Variants in COL1A2 observed in about 807,000 individuals in gnomAD.
COL1A2 encodes collagen type I alpha 2 chain.
In COL1A2, 49 loss-of-function variants were observed where a neutral mutation model predicts 174.3. The observed-to-expected ratio is 0.28, with a 90% CI of 0.22 to 0.36. The LOEUF (loss-of-function observed/expected upper bound fraction) is 0.36, where lower values mean the gene tolerates loss of function less well. COL1A2 is among the 10% of genes least tolerant of loss of function. The pLI, the probability that COL1A2 is intolerant of heterozygous loss-of-function variation, is 1.00. For synonymous variants in COL1A2, 655 were observed against 606.6 expected (o/e 1.08, Z -1.17); for missense variants, 1,438 against 1,822.7 (o/e 0.79, Z 3.84).
rs371996944 is a variant in COL1A2, at chr7:94,404,548, C to T, written c.280-8C>T. On this transcript the variant is annotated splice_polypyrimidine_tract_variant and splice_region_variant and intron_variant, in intron 6 of 51. Coordinates refer to ENST00000297268, the MANE Select transcript of COL1A2 (RefSeq NM_000089.4). ...TGCTAACTGTTGATATATCTGCTTT[C>T]TTTACAGGGCTTAATGGGACCTAGA... 28 of 1,612,778 alleles carry T rather than the reference C, an allele frequency of 1.7e-5. No homozygotes were observed. The highest frequency in any genetic ancestry group is 2.4e-5 in the Non-Finnish European group (28 of 1,179,952).
rs67707918 is a variant in COL1A2, at chr7:94,410,501, G to A, written c.1171G>A (p.Gly391Ser). ...CCCTAATGGGGAAGCTGGATCTGCCGGCCCTCCAGGACCTCCTGGGCTGAG... is the reference window on the plus strand; with the variant it reads ...CCCTAATGGGGAAGCTGGATCTGCCAGCCCTCCAGGACCTCCTGGGCTGAG... ...RGPNGEAGSA[G>S]PPGPPGLRGS... The change falls in exon 21 of 52, where the codon GGC becomes AGC. Residue 391 changes from glycine (G) to serine (S), a missense_variant. This residue lies in a region of COL1A2 where 867 missense variants were observed against 1,213.7 expected (regional missense o/e 0.71). Coordinates refer to ENST00000297268, the MANE Select transcript of COL1A2 (RefSeq NM_000089.4). 1 of 1,549,790 alleles carries A rather than the reference G, an allele frequency of 6.5e-7. No individual in the cohort carries two copies. Among genetic ancestry groups the A allele is most frequent in the Non-Finnish European group, 8.7e-7 (1 of 1,146,936 alleles).
At chr7:94,413,795 C>T (rs1465164572) in intron 27 of COL1A2, 52 bp downstream of exon 27, 5 of 1,609,626 alleles carry the variant, frequency 3.1e-6, no homozygotes, top group East Asian at 4.5e-5. Context: ...GTATATAGTC[C>T]TCAAACTGGC....
At chr7:94,421,599 G>A (rs1294631864) in intron 38 of COL1A2, among the ~76,000 whole-genome samples, 1 of 152,174 alleles carries the variant, frequency 6.6e-6, no homozygotes, top group Non-Finnish European at 1.5e-5. Flanking sequence ...ATGACATAGT[G>A]TCTTATCTTC....
At chr7:94,415,794 C>T (rs1792028452) in intron 30 of COL1A2, among the ~76,000 whole-genome samples, 1 of 152,100 alleles carries the variant, frequency 6.6e-6, no homozygotes, top group African/African-American at 2.4e-5. Context: ...TAACAAGGTC[C>T]TTTGAAACAG....
Position 94,426,529 on chromosome 7 carries a change from C to T in COL1A2, c.3104C>T (p.Ala1035Val). Residue 1035 changes from alanine to valine, a missense_variant and splice_region_variant, in exon 46 of 52, where the codon GCT becomes GTT. This residue lies in a region of COL1A2 where 867 missense variants were observed against 1,213.7 expected (regional missense o/e 0.71). Transcript: ENST00000297268. ...GGATTGCAAGGTCTGCCTGGTATCG[C>T]TGTAAGTAAACTGTAGCCATCTCGC... ...HNGLQGLPGI[A>V]GHHGDQGAPG... The T allele has an allele frequency of 1.3e-6, 2 of 1,595,884 alleles. No individual in the cohort carries two copies. Among genetic ancestry groups the T allele is most frequent in the Non-Finnish European group, 1.7e-6 (2 of 1,170,884 alleles).
In COL1A2 at chr7:94,395,016, T is replaced by A. The variant is rs1440194872; in HGVS notation, c.-16T>A. 2.5e-6 allele frequency: 4 copies of A among 1,612,866 alleles called. No homozygotes were observed. Among genetic ancestry groups the A allele is most frequent in the Non-Finnish European group, 3.4e-6 (4 of 1,179,638 alleles). On this transcript the variant is annotated 5_prime_UTR_variant, in exon 1 of 52. The change abolishes an upstream ATG in the 5' untranslated region. Transcript: ENST00000297268. ...GGCTCTGCGACACAAGGAGTCTGCA[T>A]GTCTAAGTGCTAGACATGCTCAGCT... is the stretch of plus-strand genomic sequence containing the variant.
Position 94,406,123 on chromosome 7 carries a change from G to T in COL1A2, c.541-127G>T, listed in dbSNP as rs574658107. The T allele has an allele frequency of 3.5e-4, 326 of 942,496 alleles. 1 individual carries two copies. Among genetic ancestry groups the T allele is most frequent in the Middle Eastern group, 2.1e-3 (10 of 4,756 alleles). The allele number at this position is 942,496 out of a possible 1,614,324, so 58.4% of individuals were successfully genotyped here. A position where few individuals can be genotyped will look rare whatever the true frequency, so the allele number is the denominator to read the frequency against. ...TGAGTTTGCTGGGACCTGGAACACT[G>T]GACTTCTTTCTACTGCAGCAGACAA... On this transcript the variant is annotated intron_variant, in intron 11 of 51. Transcript: ENST00000297268.
chr7:94,406,394 T>C, intron 12 of COL1A2, 91 bp downstream of exon 12: 1 of 1,143,746 alleles, frequency 8.7e-7, no homozygotes, highest in East Asian at 2.4e-5. Context: ...AGACTACCCA[T>C]ATTACAAAAA....
intron 44 of COL1A2, 26 bp from the exon 45 acceptor site, chr7:94,425,972 T>A (rs1473844841): frequency 6.2e-7 from 1 of 1,613,648 alleles, no homozygotes; most frequent in Admixed American, 1.7e-5. Context: ...CCTAGCTAAG[T>A]TGTGTTTTTC....
At chr7:94,416,739 GTA>G in intron 31 of COL1A2, 1 of 544,148 alleles carries the variant, frequency 1.8e-6, no homozygotes, top group South Asian at 2.3e-5. Flanking sequence ...AAATGAATTA[GTA>G]TGGGTTGTCA....
At chr7:94,413,360 T>A (rs950503706) in intron 26 of COL1A2, among the ~76,000 whole-genome samples, 2 of 152,226 alleles carry the variant, frequency 1.3e-5, no homozygotes, top group African/African-American at 4.8e-5. Flanking sequence ...AGCACTTGGC[T>A]TTTATTTTAT....
At chr7:94,405,810 A>G in intron 11 of COL1A2, 84 bp downstream of exon 11, 2 of 1,064,830 alleles carry the variant, frequency 1.9e-6, no homozygotes, top group Non-Finnish European at 2.9e-6. Flanking sequence ...CTTGGGTGAC[A>G]TATACTCACT....
chr7:94,412,604 C>G lies in COL1A2; in HGVS notation c.1425C>G (p.Gly475=). 1 of 1,613,950 alleles carries G rather than the reference C, an allele frequency of 6.2e-7. No homozygotes were observed. Among genetic ancestry groups the G allele is most frequent in the Non-Finnish European group, 8.5e-7 (1 of 1,179,910 alleles). The change falls in exon 25 of 52, where the codon GGC becomes GGG. Residue 475 remains glycine (G), a synonymous_variant. Transcript: ENST00000297268. ...EGPVGLPGID[G]RPGPIGPAGA... ...TTCAGGGCCTCCCTGGCATCGACGG[C>G]AGGCCTGGCCCAATTGGCCCAGCTG...
chr7:94,410,529 T>C lies in COL1A2; in HGVS notation c.1197+2T>C. 2 of 1,548,052 alleles carry C rather than the reference T, an allele frequency of 1.3e-6. No homozygotes were observed. The highest frequency in any genetic ancestry group is 1.7e-6 in the Non-Finnish European group (2 of 1,145,810). On this transcript the variant is annotated splice_donor_variant, in intron 21 of 51. Transcript: ENST00000297268. LOFTEE classifies it high-confidence loss of function. ...CCTCCAGGACCTCCTGGGCTGAGAGTAGGTTTCAAATGCTCCCAACACCCT... is the reference window on the plus strand; with the variant it reads ...CCTCCAGGACCTCCTGGGCTGAGAGCAGGTTTCAAATGCTCCCAACACCCT...
At chr7:94,419,628 A>T (rs2115928478) in intron 34 of COL1A2, 77 bp downstream of exon 34, 2 of 1,488,614 alleles carry the variant, frequency 1.3e-6, no homozygotes, top group East Asian at 4.5e-5. Flanking sequence ...AGCCCCAGCA[A>T]TTCATTTTTA....
At position 94,413,191 on chromosome 7, in the gene COL1A2, A is replaced by G; in HGVS notation, c.1557+55A>G. 3.3e-6 allele frequency: 5 copies of G among 1,529,122 alleles called. No individual in the cohort carries two copies. In the South Asian group the frequency reaches 4.6e-5, roughly 14 times the overall value. 94.7% of individuals were successfully genotyped at this position (1,529,122 alleles called of 1,614,324 possible). A position where few individuals can be genotyped will look rare whatever the true frequency, so the allele number is the denominator to read the frequency against. The stretch of plus-strand genomic sequence containing the variant: ...CACATAGCATTCATCTAAGAACCAC[A>G]CTTTTTTTTTTACACCATCTGATAT... On this transcript the variant is annotated intron_variant, in intron 26 of 51. Transcript: ENST00000297268.
At chr7:94,423,507 T>G (rs891903531) in intron 40 of COL1A2, 2 of 197,686 alleles carry the variant, frequency 1.0e-5, no homozygotes, top group Non-Finnish European at 2.1e-5. Context: ...GGTGCCCCTA[T>G]TAGACCTTAG....
At chr7:94,408,404 T>A (rs757923298) in intron 15 of COL1A2, 24 bp downstream of exon 15, 7 of 1,613,524 alleles carry the variant, frequency 4.3e-6, no homozygotes, top group Middle Eastern at 1.6e-4. Flanking sequence ...CTGGGGAGTT[T>A]GAAAGGAGTT....
rs1457363501 is a variant in COL1A2, at chr7:94,414,385, C to T, written c.1719+110C>T. ...ATATGTAAAAGAAAATTTCGTATTT[C>T]ATATGTTAATGATAGTGTTTTACAT... On this transcript the variant is annotated intron_variant, in intron 29 of 51. Coordinates refer to ENST00000297268, the MANE Select transcript of COL1A2 (RefSeq NM_000089.4). 28 of 1,004,774 alleles carry T rather than the reference C, an allele frequency of 2.8e-5. 1 individual carries two copies. The highest frequency in any genetic ancestry group is 4.4e-4 in the Middle Eastern group (2 of 4,590). The allele number at this position is 1,004,774 out of a possible 1,614,324, so 62.2% of individuals were successfully genotyped here. A position where few individuals can be genotyped will look rare whatever the true frequency, so the allele number is the denominator to read the frequency against.
Sources: gnomAD v4.1 joint callset for allele counts (sites outside exome capture counted in the v4.1 genomes callset) on GRCh38, gnomAD v4.1.1 for gene constraint, gnomAD v4.1.1 regional missense constraint, MANE v1.5 for transcripts, NCBI Gene and HGNC (gene_info 2026-07-23, HGNC 2026-07-21) for gene names.